Variants in IQCM observed in about 807,000 individuals in gnomAD.
IQCM encodes the protein IQ motif containing M, also known as IQ domain-containing protein M.
Under a neutral mutation model 57.6 loss-of-function variants are expected in IQCM, and 45 were observed. The ratio of observed to expected loss-of-function variants is 0.78; its 90% CI spans 0.62 to 1.00. IQCM has a LOEUF of 1.00. Ranked by LOEUF, IQCM falls within the 50% of genes least tolerant of loss-of-function variation. The pLI, the probability that IQCM is intolerant of heterozygous loss-of-function variation, is 0.00. For synonymous variants in IQCM, 148 were observed against 158.9 expected (o/e 0.93, Z 0.51); for missense variants, 468 against 511.6 (o/e 0.91, Z 0.82).
intron 2 of IQCM, chr4:149,748,586 G>A (rs550632091): frequency 9.9e-4 from 150 of 152,168 alleles, no homozygotes; most frequent in African/African-American, 3.4e-3. Flanking sequence ...ACAAGCTATG[G>A]AGTTTTTCTG....
intron 8 of IQCM, among the ~76,000 whole-genome samples, chr4:149,616,684 T>A (rs1425424729): frequency 2.0e-5 from 3 of 152,076 alleles, no homozygotes; most frequent in African/African-American, 7.2e-5. Context: ...GAACTTGGTG[T>A]TTACATGGAC....
intron 12 of IQCM, among the ~76,000 whole-genome samples, chr4:149,512,544 A>G (rs1405060359): frequency 6.6e-6 from 1 of 152,104 alleles, no homozygotes; most frequent in Non-Finnish European, 1.5e-5. Context: ...TCTCTTTTAA[A>G]TTGTTTGAGT....
chr4:149,630,609 AT>A (rs1410789614), intron 7 of IQCM, among the ~76,000 whole-genome samples: 1 of 152,228 alleles, frequency 6.6e-6, no homozygotes, highest in African/African-American at 2.4e-5. Flanking sequence ...GTGTATTGAT[AT>A]ATGAATCATA....
At chr4:149,511,727 A>T (rs889148285) in intron 12 of IQCM, among the ~76,000 whole-genome samples, 9 of 152,140 alleles carry the variant, frequency 5.9e-5, no homozygotes, top group African/African-American at 2.2e-4. Context: ...ACATTACAGC[A>T]GAGCAGTGAT....
At chr4:149,545,098 A>G (rs902055556) in intron 12 of IQCM, among the ~76,000 whole-genome samples, 1 of 152,152 alleles carries the variant, frequency 6.6e-6, no homozygotes, top group Non-Finnish European at 1.5e-5. Flanking sequence ...GCCACTTGGG[A>G]GGTTGAAGCA....
chr4:149,381,769 GTAT>G (rs1731095505), intron 13 of IQCM, among the ~76,000 whole-genome samples: 1 of 143,394 alleles, frequency 7.0e-6, no homozygotes, highest in African/African-American at 2.7e-5. Flanking sequence ...ATGTATGTAT[GTAT>G]TTTTAGATGG....
At chr4:149,411,909 T>C (rs1314215441) in intron 13 of IQCM, among the ~76,000 whole-genome samples, 1 of 152,230 alleles carries the variant, frequency 6.6e-6, no homozygotes, top group Non-Finnish European at 1.5e-5. Flanking sequence ...TTTTTTCTAC[T>C]TCAGAACTGA....
At chr4:149,407,800 T>C (rs1000130142) in intron 13 of IQCM, among the ~76,000 whole-genome samples, 1 of 152,194 alleles carries the variant, frequency 6.6e-6, no homozygotes, top group African/African-American at 2.4e-5. Context: ...CTATGGTGAC[T>C]AGTGCTACAA....
chr4:149,710,003 G>C (rs1764444598), intron 5 of IQCM, among the ~76,000 whole-genome samples: 1 of 152,078 alleles, frequency 6.6e-6, no homozygotes, highest in African/African-American at 2.4e-5. Flanking sequence ...TCAACTCTTT[G>C]AGAGTAACAT....
rs1185342044 is a variant in IQCM at position 149,528,626 on chromosome 4, G to T, written c.1228+19829C>A. Among the ~76,000 whole-genome samples the T allele has an allele frequency of 2.0e-5, 3 of 152,290 alleles. No individual in the cohort carries two copies. In the East Asian group the frequency reaches 5.8e-4, roughly 29 times the overall value. ...GAGTAAATTAGGAAAGAATAAGCCTGAGGAATTGAGGTAACAGAACATGGC... is the reference window on the plus strand; with the variant it reads ...GAGTAAATTAGGAAAGAATAAGCCTTAGGAATTGAGGTAACAGAACATGGC... On this transcript the variant is annotated intron_variant, in intron 12 of 13. Transcript: ENST00000636793.
chr4:149,727,176 A>C, intron 5 of IQCM, among the ~76,000 whole-genome samples: 1 of 151,994 alleles, frequency 6.6e-6, no homozygotes, highest in African/African-American at 2.4e-5. Context: ...TAAATTAATG[A>C]CTCCAACCTT....
At chr4:149,383,402 G>C (rs1731208872) in intron 13 of IQCM, among the ~76,000 whole-genome samples, 1 of 152,104 alleles carries the variant, frequency 6.6e-6, no homozygotes, top group Non-Finnish European at 1.5e-5. Context: ...CACTAAAACT[G>C]TTATACCACA....
intron 7 of IQCM, among the ~76,000 whole-genome samples, chr4:149,624,392 G>A (rs1254572735): frequency 6.6e-6 from 1 of 152,008 alleles, no homozygotes; most frequent in Non-Finnish European, 1.5e-5. Context: ...GTTTATAATG[G>A]TAATCATTTT....
At chr4:149,523,618 C>T (rs1745876495) in intron 12 of IQCM, among the ~76,000 whole-genome samples, 1 of 151,842 alleles carries the variant, frequency 6.6e-6, no homozygotes, top group Non-Finnish European at 1.5e-5. Flanking sequence ...GGAGAGCAGA[C>T]AAAGGTGAGC....
intron 2 of IQCM, among the ~76,000 whole-genome samples, chr4:149,768,286 C>T (rs145785092): frequency 9.9e-5 from 15 of 152,188 alleles, no homozygotes; most frequent in Middle Eastern, 3.4e-3. Context: ...TACCAGCCAG[C>T]GTATAACTTT....
chr4:149,613,308 G>A (rs908240616), intron 8 of IQCM, among the ~76,000 whole-genome samples: 1 of 152,038 alleles, frequency 6.6e-6, no homozygotes, highest in African/African-American at 2.4e-5. Context: ...TTTTCATTAT[G>A]TGATAAAATT....
intron 13 of IQCM, among the ~76,000 whole-genome samples, chr4:149,404,874 T>C (rs1253557476): frequency 6.6e-6 from 1 of 152,026 alleles, no homozygotes; most frequent in Non-Finnish European, 1.5e-5. Flanking sequence ...CAGAGAAATA[T>C]ATTTCGTAGA....
chr4:149,556,144 T>C (rs2149916243), intron 10 of IQCM, among the ~76,000 whole-genome samples: 1 of 152,338 alleles, frequency 6.6e-6, no homozygotes, highest in African/African-American at 2.4e-5. Flanking sequence ...AAATTTCTAC[T>C]TACAACAGCA....
At chr4:149,458,787 T>A (rs1374172633) in intron 12 of IQCM, among the ~76,000 whole-genome samples, 1 of 152,148 alleles carries the variant, frequency 6.6e-6, no homozygotes, top group Non-Finnish European at 1.5e-5. Context: ...AATTTAGTAA[T>A]TGATTAATAG....
Sources: gnomAD v4.1 joint callset for allele counts (sites outside exome capture counted in the v4.1 genomes callset) on GRCh38, gnomAD v4.1.1 for gene constraint, MANE v1.5 for transcripts, NCBI Gene and HGNC (gene_info 2026-07-23, HGNC 2026-07-21) for gene names.